PPM1E: variants seen among roughly 807,000 people sequenced by gnomAD.
The protein encoded by PPM1E is protein phosphatase 1E.
PPM1E carries 20 observed loss-of-function variants against 65.9 expected under a neutral mutation model. The ratio of observed to expected loss-of-function variants is 0.30; its 90% confidence interval spans 0.21 to 0.44. PPM1E has a LOEUF of 0.44. Among genes scored for constraint, PPM1E ranks in the 20% least tolerant of loss-of-function variants. The probability of loss-of-function intolerance (pLI) is 1.00; values close to 1 mark genes in which losing one functional copy is unlikely to be tolerated. For synonymous variants in PPM1E, 352 were observed against 374.9 expected, an observed-to-expected ratio of 0.94 and a Z score of 0.70; for missense variants, 713 against 953.1, an observed-to-expected ratio of 0.75 and a Z score of 3.32.
At chr17:58,847,417 G>A (rs1337542964) in intron 1 of PPM1E, among the ~76,000 whole-genome samples, 1 of 152,188 alleles carries the variant, frequency 6.6e-6, no homozygotes, top group Non-Finnish European at 1.5e-5. Flanking sequence ...TAACATTTAA[G>A]TCTTTAATCC....
intron 1 of PPM1E, among the ~76,000 whole-genome samples, chr17:58,778,463 G>T (rs1034955246): frequency 2.1e-5 from 3 of 144,594 alleles, no homozygotes; most frequent in Non-Finnish European, 4.5e-5. Flanking sequence ...CCTGGAGAGT[G>T]CAGTGTCATG....
At chr17:58,807,612 A>G (rs1014635824) in intron 1 of PPM1E, among the ~76,000 whole-genome samples, 2 of 152,200 alleles carry the variant, frequency 1.3e-5, no homozygotes, top group Non-Finnish European at 2.9e-5. Flanking sequence ...TAAAAAGGCA[A>G]TGTAAAAAAA....
chr17:58,835,568 C>T (rs908376074), intron 1 of PPM1E, among the ~76,000 whole-genome samples: 7 of 151,886 alleles, frequency 4.6e-5, no homozygotes, highest in African/African-American at 1.5e-4. Flanking sequence ...ACCTGTAATC[C>T]CAGCATTTAG....
intron 1 of PPM1E, among the ~76,000 whole-genome samples, chr17:58,827,214 T>C (rs1298233566): frequency 6.6e-6 from 1 of 150,676 alleles, no homozygotes; most frequent in Non-Finnish European, 1.5e-5. Flanking sequence ...CTTGGTTTAC[T>C]GCAATCTCCG....
chr17:58,774,921 C>T (rs377735208), intron 1 of PPM1E, among the ~76,000 whole-genome samples: 2 of 151,680 alleles, frequency 1.3e-5, no homozygotes, highest in East Asian at 1.9e-4. Context: ...GGCGTGATCT[C>T]GGCTCACTGC....
At chr17:58,966,404 AT>A in intron 3 of PPM1E, 1 of 301,144 alleles carries the variant, frequency 3.3e-6, no homozygotes, top group Non-Finnish European at 6.3e-6. Flanking sequence ...TTATATCTCA[AT>A]AAAGCAGTTT....
chr17:58,764,629 T>G (rs1374392735), intron 1 of PPM1E, among the ~76,000 whole-genome samples: 2 of 152,142 alleles, frequency 1.3e-5, no homozygotes, highest in Non-Finnish European at 2.9e-5. Flanking sequence ...TTGTTTTTTT[T>G]GTTTTTGAAA....
At chr17:58,769,533 C>T (rs1261762042) in intron 1 of PPM1E, among the ~76,000 whole-genome samples, 1 of 151,928 alleles carries the variant, frequency 6.6e-6, no homozygotes. Context: ...GGAGGCTGCC[C>T]TGAGCCCGGG....
intron 1 of PPM1E, among the ~76,000 whole-genome samples, chr17:58,928,535 T>C (rs2051852329): frequency 6.6e-6 from 1 of 151,870 alleles, no homozygotes; most frequent in African/African-American, 2.4e-5. Flanking sequence ...ACCAAAACTC[T>C]ATACATTGTC....
At chr17:58,826,635 T>C (rs1195500005) in intron 1 of PPM1E, among the ~76,000 whole-genome samples, 1 of 152,200 alleles carries the variant, frequency 6.6e-6, no homozygotes, top group Non-Finnish European at 1.5e-5. Flanking sequence ...TTTACTCTTT[T>C]ATTTTTTTTA....
At chr17:58,804,736 A>T (rs1348636967) in intron 1 of PPM1E, among the ~76,000 whole-genome samples, 1 of 152,104 alleles carries the variant, frequency 6.6e-6, no homozygotes, top group Non-Finnish European at 1.5e-5. Context: ...TTATTTTTTT[A>T]AATTAAGTTC....
intron 1 of PPM1E, among the ~76,000 whole-genome samples, chr17:58,816,902 C>T (rs959116645): frequency 6.0e-5 from 9 of 149,174 alleles, no homozygotes; most frequent in Non-Finnish European, 1.3e-4. Flanking sequence ...CCCGAGTGAT[C>T]CTCCCACCTC....
chr17:58,966,849 C>T (rs189971152), intron 3 of PPM1E: 153 of 152,570 alleles, frequency 1.0e-3, no homozygotes, highest in Non-Finnish European at 1.3e-4. Context: ...GCTAAATTTA[C>T]ATTTTAGCTG....
intron 1 of PPM1E, among the ~76,000 whole-genome samples, chr17:58,846,816 T>C (rs574511142): frequency 5.9e-5 from 9 of 152,334 alleles, no homozygotes; most frequent in African/African-American, 2.2e-4. Context: ...AGATGGTATT[T>C]CTAGTTCTAG....
At chr17:58,841,109 C>T (rs1436005994) in intron 1 of PPM1E, among the ~76,000 whole-genome samples, 17 of 152,138 alleles carry the variant, frequency 1.1e-4, no homozygotes, top group Admixed American at 1.1e-3. Context: ...TTGTTGCTAA[C>T]TTATCAGGAC....
chr17:58,757,646 G>A (rs1282483357), intron 1 of PPM1E, among the ~76,000 whole-genome samples: 1 of 152,186 alleles, frequency 6.6e-6, no homozygotes, highest in Non-Finnish European at 1.5e-5. Context: ...AAGTAAACCT[G>A]TTTTGTCTTC....
In PPM1E at chr17:58,972,288, TG is replaced by T; in HGVS notation, c.1116+14del. ...ACCAGACAGAGAGGTAAGTATGGTCTGTTTTAATAGAGCCCATGCTCTAGTT... is the reference window on the plus strand; with the variant it reads ...ACCAGACAGAGAGGTAAGTATGGTCTTTTTAATAGAGCCCATGCTCTAGTT... On this transcript the variant is annotated intron_variant, in intron 5 of 6. Coordinates refer to ENST00000308249, the MANE Select transcript of PPM1E (RefSeq NM_014906.5). The T allele has an allele frequency of 6.2e-7, 1 of 1,612,750 alleles. No homozygotes were observed. The highest frequency in any genetic ancestry group is 8.5e-7 in the Non-Finnish European group (1 of 1,179,220).
chr17:58,764,742 T>C (rs2144150721), intron 1 of PPM1E, among the ~76,000 whole-genome samples: 1 of 152,106 alleles, frequency 6.6e-6, no homozygotes, highest in South Asian at 2.1e-4. Flanking sequence ...TACAAGCACA[T>C]GCCACCATGC....
At chr17:58,863,391 C>T (rs2050963425) in intron 1 of PPM1E, among the ~76,000 whole-genome samples, 1 of 152,224 alleles carries the variant, frequency 6.6e-6, no homozygotes, top group African/African-American at 2.4e-5. Flanking sequence ...GAGCCGGCCA[C>T]TTCTCTCCAG....
Sources: gnomAD v4.1 joint callset for allele counts (sites outside exome capture counted in the v4.1 genomes callset) on GRCh38, gnomAD v4.1.1 for gene constraint, MANE v1.5 for transcripts, NCBI Gene and HGNC (gene_info 2026-07-23, HGNC 2026-07-21) for gene names.